ABTB3: variants seen among roughly 807,000 people sequenced by gnomAD.
The protein encoded by ABTB3 is ankyrin repeat and BTB domain containing 3.
the ABTB3 span, among the ~76,000 whole-genome samples, chr12:107,325,965 G>A: frequency 6.6e-6 from 1 of 152,192 alleles, no homozygotes; most frequent in Non-Finnish European, 1.5e-5. Flanking sequence ...GAGTGCAATG[G>A]TGCAATCTCA....
At chr12:107,639,036 T>C in the ABTB3 span, among the ~76,000 whole-genome samples, 1 of 152,170 alleles carries the variant, frequency 6.6e-6, no homozygotes, top group East Asian at 1.9e-4. Flanking sequence ...TGGGGGAATC[T>C]GGCAAGGCTT....
At chr12:107,369,331 A>G in the ABTB3 span, among the ~76,000 whole-genome samples, 3 of 151,840 alleles carry the variant, frequency 2.0e-5, no homozygotes, top group African/African-American at 7.3e-5. Context: ...ACATTATAGA[A>G]CCATTCCTTT....
At chr12:107,638,663 A>G in the ABTB3 span, among the ~76,000 whole-genome samples, 1 of 152,234 alleles carries the variant, frequency 6.6e-6, no homozygotes, top group African/African-American at 2.4e-5. Context: ...CTCTACTAAT[A>G]GTATAATGGT....
chr12:107,598,086 C>T, the ABTB3 span, among the ~76,000 whole-genome samples: 28 of 152,334 alleles, frequency 1.8e-4, no homozygotes, highest in African/African-American at 6.5e-4. Flanking sequence ...GTCTGCTTAT[C>T]AGCTGGGGAA....
At chr12:107,465,914 A>G in the ABTB3 span, among the ~76,000 whole-genome samples, 2 of 152,096 alleles carry the variant, frequency 1.3e-5, no homozygotes. Flanking sequence ...AGTAGTCTTC[A>G]TTTATCATGC....
chr12:107,395,095 G>A, the ABTB3 span, among the ~76,000 whole-genome samples: 2,550 of 152,282 alleles, frequency 0.017, 92 homozygotes, highest in African/African-American at 0.058. Context: ...GCATCAGGAC[G>A]TGCTCCTTTT....
At chr12:107,400,440 G>A in the ABTB3 span, among the ~76,000 whole-genome samples, 3 of 152,284 alleles carry the variant, frequency 2.0e-5, no homozygotes. Flanking sequence ...AGGTGGGTTT[G>A]AGAAACACTG....
At chr12:107,559,694 A>T in the ABTB3 span, among the ~76,000 whole-genome samples, 1 of 152,224 alleles carries the variant, frequency 6.6e-6, no homozygotes, top group Non-Finnish European at 1.5e-5. Context: ...TCTGAGTTGA[A>T]TGTGTATTCT....
the ABTB3 span, among the ~76,000 whole-genome samples, chr12:107,510,387 T>A: frequency 1.3e-5 from 2 of 151,884 alleles, no homozygotes; most frequent in South Asian, 4.2e-4. Flanking sequence ...AGCACAGCCT[T>A]ATACAATCAT....
chr12:107,374,108 G>C, the ABTB3 span, among the ~76,000 whole-genome samples: 1 of 152,178 alleles, frequency 6.6e-6, no homozygotes, highest in African/African-American at 2.4e-5. Context: ...GGCAGGGAAG[G>C]GGGCTGGGGG....
At chr12:107,659,016 A>G in the ABTB3 span, 1 of 152,682 alleles carries the variant, frequency 6.5e-6, no homozygotes, top group South Asian at 2.1e-4. Flanking sequence ...TATTCCAGAT[A>G]ACTTTTCAGT....
chr12:107,438,274 A>G, the ABTB3 span, among the ~76,000 whole-genome samples: 1 of 152,108 alleles, frequency 6.6e-6, no homozygotes, highest in Non-Finnish European at 1.5e-5. Flanking sequence ...TTTTTCATGC[A>G]TTGACAGATA....
chr12:107,332,982 A>G, the ABTB3 span, among the ~76,000 whole-genome samples: 2,636 of 152,298 alleles, frequency 0.017, 63 homozygotes, highest in African/African-American at 0.056. Flanking sequence ...GAAGTTTCTC[A>G]GTAGGAGACT....
chr12:107,373,384 G>A, the ABTB3 span, among the ~76,000 whole-genome samples: 1 of 152,136 alleles, frequency 6.6e-6, no homozygotes, highest in Admixed American at 6.5e-5. Context: ...GAAGCCATTA[G>A]CTTGAACCCA....
chr12:107,651,767 G>A, the ABTB3 span: 1 of 1,613,850 alleles, frequency 6.2e-7, no homozygotes, highest in Admixed American at 1.7e-5. Context: ...CAACTGTGTG[G>A]ATATTTACAA....
the ABTB3 span, among the ~76,000 whole-genome samples, chr12:107,497,775 T>G: frequency 2.6e-5 from 4 of 152,206 alleles, no homozygotes; most frequent in Non-Finnish European, 4.4e-5. Flanking sequence ...TTTCTGCCCA[T>G]CTTCTTCTCC....
At chr12:107,629,062 T>A in the ABTB3 span, among the ~76,000 whole-genome samples, 1 of 152,194 alleles carries the variant, frequency 6.6e-6, no homozygotes, top group Non-Finnish European at 1.5e-5. Context: ...AGAGGAAAGA[T>A]GTCACCCCCC....
chr12:107,458,407 C>T, the ABTB3 span, among the ~76,000 whole-genome samples: 1 of 152,230 alleles, frequency 6.6e-6, no homozygotes, highest in East Asian at 1.9e-4. Context: ...TGGGTAGTTG[C>T]CAAGAGGACT....
At chr12:107,414,700 C>A in the ABTB3 span, among the ~76,000 whole-genome samples, 1 of 151,564 alleles carries the variant, frequency 6.6e-6, no homozygotes, top group African/African-American at 2.4e-5. Flanking sequence ...CACCATCCCC[C>A]CCTTTCTTTT....
Sources: allele counts gnomAD v4.1 joint callset (sites outside exome capture counted in the v4.1 genomes callset), GRCh38; gene constraint gnomAD v4.1.1; transcripts MANE v1.5; gene names NCBI Gene and HGNC (gene_info 2026-07-23, HGNC 2026-07-21).